FAAH2: variants seen among roughly 807,000 people sequenced by gnomAD.
FAAH2 encodes fatty-acid amide hydrolase 2.
FAAH2 carries 60 observed loss-of-function variants against 36.9 expected under a neutral mutation model. That is an observed-to-expected ratio of 1.63 (90% CI 1.32 to 2.02). FAAH2 has a LOEUF of 2.02. Ranked by LOEUF, FAAH2 falls within the 30% of genes most tolerant of loss-of-function variation. The pLI is 0.00. For synonymous variants in FAAH2, 214 were observed against 143.8 expected (o/e 1.49, Z -3.49); for missense variants, 689 against 397.5 (o/e 1.73, Z -6.23).
the FAAH2 span, among the ~76,000 whole-genome samples, chrX:57,231,066 T>TGTGTGTGTGAGA: frequency 1.8e-5 from 2 of 108,410 alleles, no homozygotes; most frequent in African/African-American, 6.8e-5. Flanking sequence ...TGTGTGTGTG[T>TGTGTGTGTGAGA]GAGTGTGTGT....
chrX:57,180,557 C>A, the FAAH2 span, among the ~76,000 whole-genome samples: 33 of 110,902 alleles, frequency 3.0e-4, no homozygotes, highest in Non-Finnish European at 4.9e-4. Flanking sequence ...TCTCCCAAGG[C>A]AAAAGCAGAA....
chrX:57,170,630 T>G, the FAAH2 span, among the ~76,000 whole-genome samples: 1 of 110,792 alleles, frequency 9.0e-6, no homozygotes, highest in East Asian at 2.8e-4. Flanking sequence ...AATATACCAC[T>G]CTGTATGTTT....
chrX:57,306,141 T>G lies in FAAH2; in HGVS notation c.276-4452T>G, dbSNP rs1318693188. Among the ~76,000 whole-genome samples the G allele has an allele frequency of 1.8e-5, 2 of 111,936 alleles. 1 individual carries two copies. The highest frequency in any genetic ancestry group is 1.9e-4 in the Admixed American group (2 of 10,477). On this transcript the variant is annotated intron_variant, in intron 2 of 10. Coordinates refer to ENST00000374900, the MANE Select transcript of FAAH2 (RefSeq NM_174912.4). ...TTTCCAGAAAGTGGGTAACTTCAAC[T>G]TCACACCCTTCTGCTTCTTTTTGTG...
intron 3 of FAAH2, among the ~76,000 whole-genome samples, chrX:57,330,050 T>A: frequency 9.0e-6 from 1 of 111,425 alleles, no homozygotes; most frequent in East Asian, 2.8e-4. Context: ...CTGCACAGAT[T>A]GTAGAGCATG....
chrX:57,163,772 A>G, the FAAH2 span, among the ~76,000 whole-genome samples: 1 of 112,063 alleles, frequency 8.9e-6, no homozygotes, highest in African/African-American at 3.2e-5. Flanking sequence ...GGCACTACCT[A>G]GTGAGATGAA....
the FAAH2 span, among the ~76,000 whole-genome samples, chrX:57,208,377 G>C: frequency 1.8e-5 from 2 of 112,153 alleles, no homozygotes; most frequent in Non-Finnish European, 3.8e-5. Flanking sequence ...ATGAACCAGA[G>C]CCCACACTTG....
the FAAH2 span, among the ~76,000 whole-genome samples, chrX:57,148,123 C>A: frequency 9.3e-6 from 1 of 107,999 alleles, no homozygotes; most frequent in East Asian, 2.8e-4. Context: ...TGGTCTATAT[C>A]TCTGTTTTGG....
chrX:57,423,948 G>C (rs1602616007), intron 7 of FAAH2, among the ~76,000 whole-genome samples: 1 of 111,616 alleles, frequency 9.0e-6, no homozygotes, highest in African/African-American at 3.3e-5. Flanking sequence ...TGAACAGGAG[G>C]ACAAACTGCA....
chrX:57,164,033 C>T, the FAAH2 span, among the ~76,000 whole-genome samples: 40 of 112,179 alleles, frequency 3.6e-4, no homozygotes, highest in South Asian at 1.1e-3. Context: ...GCTCAAAGGA[C>T]GGTAATGGCA....
chrX:57,411,926 T>C (rs1160711), intron 7 of FAAH2, among the ~76,000 whole-genome samples: 41,750 of 111,013 alleles, frequency 0.38, 6,606 homozygotes, highest in Middle Eastern at 0.64. Flanking sequence ...TTATTTTTCA[T>C]CTGCAACTAT....
At chrX:57,392,668 G>T in intron 7 of FAAH2, 11 of 656,681 alleles carry the variant, frequency 1.7e-5, no homozygotes. Flanking sequence ...CACCTGTTCT[G>T]TTTCAGGGTC....
the FAAH2 span, among the ~76,000 whole-genome samples, chrX:57,196,485 T>C: frequency 7.3e-4 from 81 of 111,350 alleles, no homozygotes; most frequent in African/African-American, 2.5e-3. Flanking sequence ...GTTTTCTAGG[T>C]ATACAATCAT....
chrX:57,398,671 C>A (rs2055361425), intron 7 of FAAH2, among the ~76,000 whole-genome samples: 1 of 110,630 alleles, frequency 9.0e-6, no homozygotes, highest in Admixed American at 9.6e-5. Context: ...CGATCATTGT[C>A]CCTCCCTCTG....
intron 7 of FAAH2, among the ~76,000 whole-genome samples, chrX:57,414,364 G>A (rs2055783094): frequency 8.9e-6 from 1 of 111,859 alleles, no homozygotes; most frequent in Non-Finnish European, 1.9e-5. Context: ...GTCATAAATA[G>A]CTCTTATTAT....
At chrX:57,477,988 C>T (rs1190169192) in intron 10 of FAAH2, among the ~76,000 whole-genome samples, 1 of 111,803 alleles carries the variant, frequency 8.9e-6, no homozygotes, top group Admixed American at 9.5e-5. Context: ...ATTTATAATC[C>T]TTTGGGTATA....
the FAAH2 span, among the ~76,000 whole-genome samples, chrX:57,269,307 A>G: frequency 1.8e-5 from 2 of 111,602 alleles, no homozygotes. Context: ...ACAATATTAG[A>G]CAGATTATTG....
the FAAH2 span, among the ~76,000 whole-genome samples, chrX:57,174,855 A>G: frequency 9.8e-5 from 11 of 111,769 alleles, no homozygotes; most frequent in Admixed American, 4.8e-4. Flanking sequence ...TTTCAGAAGC[A>G]TATTGTTTAA....
intron 2 of FAAH2, among the ~76,000 whole-genome samples, chrX:57,295,988 A>C: frequency 8.9e-6 from 1 of 112,473 alleles, no homozygotes; most frequent in East Asian, 2.8e-4. Flanking sequence ...CCACAGCTCA[A>C]GGAGGCCTGC....
intron 7 of FAAH2, among the ~76,000 whole-genome samples, chrX:57,409,463 G>A (rs1054686703): frequency 1.2e-4 from 13 of 111,018 alleles, no homozygotes; most frequent in African/African-American, 2.3e-4. Flanking sequence ...TTTGAAGATC[G>A]TCATTAATTT....
Sources: allele counts gnomAD v4.1 joint callset (sites outside exome capture counted in the v4.1 genomes callset), GRCh38; gene constraint gnomAD v4.1.1; transcripts MANE v1.5; gene names NCBI Gene and HGNC (gene_info 2026-07-23, HGNC 2026-07-21).